Variants in LHPP observed in about 807,000 individuals in gnomAD.
LHPP encodes phospholysine phosphohistidine inorganic pyrophosphate phosphatase.
LHPP carries 24 observed loss-of-function variants against 30.3 expected under a neutral mutation model. The observed-to-expected ratio is 0.79, with a 90% CI of 0.57 to 1.11. LHPP has a LOEUF of 1.11. LHPP is among the 50% of genes most tolerant of loss of function. The pLI is 0.00. For synonymous variants in LHPP, 150 were observed against 157.1 expected (o/e 0.95, Z 0.34); for missense variants, 356 against 367.2 (o/e 0.97, Z 0.25).
chr10:124,590,079 T>A lies in LHPP; in HGVS notation c.717-23185T>A, dbSNP rs10430737. 1.5e-4 allele frequency among the ~76,000 whole-genome samples: 23 copies of A among 152,008 alleles called. No individual in the cohort carries two copies. Among genetic ancestry groups the A allele is most frequent in the African/African-American group, 4.6e-4 (19 of 41,368 alleles). On this transcript the variant is annotated intron_variant, in intron 6 of 6. Coordinates refer to ENST00000368842, the MANE Select transcript of LHPP (RefSeq NM_022126.4). This position sits in a 1 kb window ranked among gnomAD's most constrained non-coding sequence, Gnocchi z 4.3. ...TGATTGACTGGCTTTGCAGGTTTTT[T>A]ATCCATCGTTCTTTCCAAAGAATAG... is the stretch of plus-strand genomic sequence containing the variant.
At chr10:124,547,037 A>AG (rs375486788) in intron 6 of LHPP, among the ~76,000 whole-genome samples, 1 of 13,150 alleles carries the variant, frequency 7.6e-5, no homozygotes, top group African/African-American at 9.3e-5. Context: ...ACACACGCAC[A>AG]CGCGCGCACA....
chr10:124,590,344 C>T lies in LHPP; in HGVS notation c.717-22920C>T, dbSNP rs35174510. Among the ~76,000 whole-genome samples the T allele has an allele frequency of 0.13, 19,168 of 152,212 alleles. 1,668 individuals are homozygous for T. The highest frequency in any genetic ancestry group is 0.19 in the Non-Finnish European group (12,588 of 68,000). ...ACTGCGGGGAAGTGCTGGAACCCTC[C>T]GCACGAGGGCAACCTTTCTTGGGCT... On this transcript the variant is annotated intron_variant, in intron 6 of 6. Coordinates refer to ENST00000368842, the MANE Select transcript of LHPP (RefSeq NM_022126.4). The surrounding 1 kb of genome is among the most constrained non-coding windows in gnomAD (Gnocchi z 4.3).
intron 4 of LHPP, 45 bp downstream of exon 4, chr10:124,497,069 C>T (rs752721857): frequency 6.6e-7 from 1 of 1,504,842 alleles, no homozygotes; most frequent in East Asian, 2.3e-5. Context: ...GACCTCAGGG[C>T]ACCTGGGACT....
At chr10:124,504,372 A>G (rs943159499) in intron 5 of LHPP, among the ~76,000 whole-genome samples, 2 of 150,138 alleles carry the variant, frequency 1.3e-5, no homozygotes, top group Non-Finnish European at 3.0e-5. Context: ...TGGGCAGGTC[A>G]TTAGAGCCCA....
intron 6 of LHPP, among the ~76,000 whole-genome samples, chr10:124,598,490 C>A (rs541529297): frequency 1.3e-5 from 2 of 152,192 alleles, no homozygotes; most frequent in African/African-American, 4.8e-5. Flanking sequence ...ATGGGGAAAG[C>A]CCCCCTGAGG....
intron 6 of LHPP, among the ~76,000 whole-genome samples, chr10:124,575,407 C>T (rs1948644966): frequency 6.6e-6 from 1 of 152,152 alleles, no homozygotes; most frequent in Admixed American, 6.5e-5. Flanking sequence ...AGTTCACTCC[C>T]TAATACGCCA....
rs1441285808 is a variant in LHPP at position 124,478,906 on chromosome 10, T to C, written c.126-5233T>C. 2.0e-5 allele frequency among the ~76,000 whole-genome samples: 3 copies of C among 152,086 alleles called. No homozygotes were observed. The highest frequency in any genetic ancestry group is 7.2e-5 in the African/African-American group (3 of 41,416). The stretch of plus-strand genomic sequence containing the variant: ...CAACATGGTGAGACCCCGTCTCTAC[T>C]AAAAATATAAAAATTAGCCGGGCAT... On this transcript the variant is annotated intron_variant, in intron 1 of 6. Coordinates refer to ENST00000368842, the MANE Select transcript of LHPP (RefSeq NM_022126.4). The surrounding 1 kb of genome is among the most constrained non-coding windows in gnomAD (Gnocchi z 4.7).
intron 6 of LHPP, among the ~76,000 whole-genome samples, chr10:124,534,723 G>A (rs1286590002): frequency 6.6e-6 from 1 of 152,204 alleles, no homozygotes; most frequent in Non-Finnish European, 1.5e-5. Context: ...TGCGCTCTCG[G>A]GGCTTCGGGC....
At chr10:124,600,330 G>A (rs1949004982) in intron 6 of LHPP, among the ~76,000 whole-genome samples, 1 of 152,260 alleles carries the variant, frequency 6.6e-6, no homozygotes, top group African/African-American at 2.4e-5. Flanking sequence ...TGGGGCACTG[G>A]TGCCTGCTTC....
At chr10:124,538,523 T>C (rs2133941295) in intron 6 of LHPP, among the ~76,000 whole-genome samples, 1 of 152,160 alleles carries the variant, frequency 6.6e-6, no homozygotes, top group East Asian at 1.9e-4. Flanking sequence ...TGGACAGGCC[T>C]CCCTCCCCCC....
chr10:124,481,747 C>T (rs981427700), intron 1 of LHPP, among the ~76,000 whole-genome samples: 6 of 152,144 alleles, frequency 3.9e-5, no homozygotes, highest in African/African-American at 4.8e-5. Flanking sequence ...ACATACCCCA[C>T]GCTGCTCGAG....
Position 124,590,981 on chromosome 10 carries a change from T to C in LHPP, c.717-22283T>C, listed in dbSNP as rs1349730130. Among the ~76,000 whole-genome samples, 1 of 152,210 alleles carries C rather than the reference T, an allele frequency of 6.6e-6. No individual in the cohort carries two copies. Among genetic ancestry groups the C allele is most frequent in the Non-Finnish European group, 1.5e-5 (1 of 68,040 alleles). On this transcript the variant is annotated intron_variant, in intron 6 of 6. Coordinates refer to ENST00000368842, the MANE Select transcript of LHPP (RefSeq NM_022126.4). This position sits in a 1 kb window ranked among gnomAD's most constrained non-coding sequence, Gnocchi z 4.3. The stretch of plus-strand genomic sequence containing the variant: ...TCGCCCATCCTGGGGCCTGAGAGCA[T>C]CATTCCTTTGTGAGACTCAAATGTG...
chr10:124,498,033 C>T lies in LHPP; in HGVS notation c.532-3C>T. On this transcript the variant is annotated splice_region_variant and splice_polypyrimidine_tract_variant and intron_variant, in intron 4 of 6. Coordinates refer to ENST00000368842, the MANE Select transcript of LHPP (RefSeq NM_022126.4). ...TATGCCATGTCCCTCTCTCTTTTCC[C>T]AGTATGCCTGTGGCATCAAAGCCGA... The T allele has an allele frequency of 1.2e-6, 2 of 1,612,376 alleles. No individual in the cohort carries two copies. The highest frequency in any genetic ancestry group is 1.1e-5 in the South Asian group (1 of 91,040).
intron 6 of LHPP, among the ~76,000 whole-genome samples, chr10:124,546,506 C>A (rs1955345940): frequency 6.6e-6 from 1 of 152,176 alleles, no homozygotes; most frequent in Non-Finnish European, 1.5e-5. Flanking sequence ...GGGTTCACAC[C>A]ATTCTCCTGC....
chr10:124,467,740 C>T (rs1401850107), intron 1 of LHPP, among the ~76,000 whole-genome samples: 2 of 115,226 alleles, frequency 1.7e-5, no homozygotes, highest in East Asian at 2.2e-4. Flanking sequence ...TGTTTTGAGA[C>T]AGTCTCACTC....
At chr10:124,553,923 T>C (rs1948235553) in intron 6 of LHPP, 1 of 985,366 alleles carries the variant, frequency 1.0e-6, no homozygotes, top group African/African-American at 1.7e-5. Context: ...GTTCTTTTCC[T>C]GCTCCAGGAG....
rs1953025808 is a variant in LHPP, at chr10:124,478,591, T to C, written c.126-5548T>C. Among the ~76,000 whole-genome samples, 1 of 152,210 alleles carries C rather than the reference T, an allele frequency of 6.6e-6. No individual in the cohort carries two copies. The highest frequency in any genetic ancestry group is 2.4e-5 in the African/African-American group (1 of 41,458). Reference sequence around the variant, plus strand: ...GGAACAGTAATGAGAGGGTTTTCATTATTTGCGGGTGAGCGCTCCTGGCAG... The same window carrying C: ...GGAACAGTAATGAGAGGGTTTTCATCATTTGCGGGTGAGCGCTCCTGGCAG... On this transcript the variant is annotated intron_variant, in intron 1 of 6. Transcript: ENST00000368842. This position sits in a 1 kb window ranked among gnomAD's most constrained non-coding sequence, Gnocchi z 4.7.
intron 6 of LHPP, among the ~76,000 whole-genome samples, chr10:124,578,962 AC>A (rs1196546151): frequency 3.3e-5 from 2 of 61,494 alleles, no homozygotes; most frequent in Admixed American, 2.3e-4. Context: ...GATAGCACGG[AC>A]GGGGGGGTCC....
In LHPP at chr10:124,498,417, C is replaced by T. The variant is rs973513390; in HGVS notation, c.624+289C>T. 9.7e-6 allele frequency: 15 copies of T among 1,538,636 alleles called. No homozygotes were observed. The Admixed American group carries it at 9.9e-5, about 10-fold the overall frequency. ...TCTGAAAGGATAAGAATTGACAAGT[C>T]CTATCAGTGTGTTAATATATCTCAC... On this transcript the variant is annotated intron_variant, in intron 5 of 6. Coordinates refer to ENST00000368842, the MANE Select transcript of LHPP (RefSeq NM_022126.4).
Sources: allele counts gnomAD v4.1 joint callset (sites outside exome capture counted in the v4.1 genomes callset), GRCh38; gene constraint gnomAD v4.1.1; non-coding constraint Gnocchi (gnomAD v3.1); transcripts MANE v1.5; gene names NCBI Gene and HGNC (gene_info 2026-07-23, HGNC 2026-07-21).